The following TRIM14 variants were observed in gnomAD, a reference collection of about 807,000 sequenced individuals.
The protein encoded by TRIM14 is tripartite motif containing 14.
In TRIM14, 28 loss-of-function variants were observed where a neutral mutation model predicts 44.5. The observed-to-expected ratio is 0.63, with a 90% CI of 0.47 to 0.86. The LOEUF is 0.86. TRIM14 is among the 40% of genes least tolerant of loss of function. The pLI is 0.00. For missense variants in TRIM14, 607 were observed against 611.1 expected, an observed-to-expected ratio of 0.99 and a Z score of 0.07; for synonymous variants, 299 against 269.2, an observed-to-expected ratio of 1.11 and a Z score of -1.08.
the TRIM14 span, among the ~76,000 whole-genome samples, chr9:98,057,343 A>G: frequency 1.3e-5 from 2 of 152,116 alleles, no homozygotes; most frequent in Non-Finnish European, 2.9e-5. Flanking sequence ...CTTCTCTGAC[A>G]TTCTTCAGCG....
the TRIM14 span, among the ~76,000 whole-genome samples, chr9:98,061,507 C>A: frequency 6.9e-6 from 1 of 145,664 alleles, no homozygotes; most frequent in South Asian, 2.2e-4. Flanking sequence ...AAAGGCCAGG[C>A]GCGGTGTCTC....
At chr9:98,056,678 G>C in the TRIM14 span, 1 of 1,387,076 alleles carries the variant, frequency 7.2e-7, no homozygotes, top group Non-Finnish European at 9.6e-7. Context: ...TTGGCTGCCC[G>C]GCGACCGCGG....
rs1825687123 is a variant in TRIM14, at chr9:98,084,363, CATT to C, written c.*3104_*3106del. Reference sequence around the variant, plus strand: ...CAGTGAAGACCATGGTTAAAAGGGACATTATTCACATTTTATTAAACCAAATAT... The same window carrying C: ...CAGTGAAGACCATGGTTAAAAGGGACATTCACATTTTATTAAACCAAATAT... On this transcript the variant is annotated 3_prime_UTR_variant, in exon 6 of 6. Coordinates refer to ENST00000341469, the MANE Select transcript of TRIM14 (RefSeq NM_014788.4). The C allele has an allele frequency of 6.6e-6, 1 of 152,166 alleles. No homozygotes were observed. The highest frequency in any genetic ancestry group is 1.9e-4 in the East Asian group (1 of 5,202). 9.4% of individuals were successfully genotyped at this position (152,166 alleles called of 1,614,324 possible).
the TRIM14 span, among the ~76,000 whole-genome samples, chr9:98,039,868 C>A: frequency 6.6e-6 from 1 of 152,110 alleles, no homozygotes; most frequent in Admixed American, 6.6e-5. Context: ...AAACTCCAGC[C>A]TCCCGCACAG....
At chr9:98,059,110 G>A in the TRIM14 span, among the ~76,000 whole-genome samples, 4 of 150,182 alleles carry the variant, frequency 2.7e-5, no homozygotes, top group East Asian at 2.0e-4. Context: ...TGCAAGCTCC[G>A]CCTCCTGGGT....
downstream of TRIM14, chr9:98,081,026 G>T (rs1295648221): frequency 6.2e-7 from 1 of 1,614,200 alleles, no homozygotes; most frequent in South Asian, 1.1e-5. Flanking sequence ...TGTGGAGCGT[G>T]CCCTGGGCTC....
chr9:98,118,709 A>T (rs1460048057), intron 1 of TRIM14, among the ~76,000 whole-genome samples: 2 of 152,202 alleles, frequency 1.3e-5, no homozygotes, highest in Admixed American at 6.5e-5. Context: ...GGTCAAGGAC[A>T]TCTGGGTACC....
chr9:98,110,394 C>T (rs1826799120), intron 1 of TRIM14, among the ~76,000 whole-genome samples: 1 of 152,158 alleles, frequency 6.6e-6, no homozygotes. Context: ...ATGAAACATA[C>T]ATTCCAGGGA....
downstream of TRIM14, chr9:98,082,823 C>A (rs751023024): frequency 6.2e-7 from 1 of 1,611,424 alleles, no homozygotes; most frequent in South Asian, 1.1e-5. Flanking sequence ...GAAGCTGGCA[C>A]TGAATGTTCA....
chr9:98,053,220 G>A, the TRIM14 span, among the ~76,000 whole-genome samples: 5 of 152,224 alleles, frequency 3.3e-5, no homozygotes, highest in Non-Finnish European at 5.9e-5. Context: ...CCAGAAGGAA[G>A]ATTTTGAGCT....
the TRIM14 span, among the ~76,000 whole-genome samples, chr9:98,055,023 G>T: frequency 2.0e-5 from 3 of 152,126 alleles, no homozygotes; most frequent in African/African-American, 7.2e-5. Context: ...TGGGGTTTTT[G>T]TTTGTTTGTT....
intron 6 of TRIM14, among the ~76,000 whole-genome samples, chr9:98,072,605 T>G (rs534248371): frequency 6.6e-6 from 1 of 152,212 alleles, no homozygotes; most frequent in Non-Finnish European, 1.5e-5. Context: ...GAGACAGAGT[T>G]TCACCATGTT....
chr9:98,114,254 T>C (rs1353989085), intron 1 of TRIM14, among the ~76,000 whole-genome samples: 1 of 152,254 alleles, frequency 6.6e-6, no homozygotes, highest in African/African-American at 2.4e-5. Context: ...GATAAACTGG[T>C]GTGTGCCACA....
chr9:98,082,774 T>G, downstream of TRIM14: 1 of 1,441,226 alleles, frequency 6.9e-7, no homozygotes, highest in Non-Finnish European at 9.5e-7. Context: ...TCAGGGACCT[T>G]GAGTGTAAAG....
the TRIM14 span, among the ~76,000 whole-genome samples, chr9:98,060,409 C>T: frequency 6.6e-6 from 1 of 152,196 alleles, no homozygotes; most frequent in Non-Finnish European, 1.5e-5. Flanking sequence ...TGACTCATGC[C>T]TGTAATCCCA....
At chr9:98,065,308 C>CTTTTTTTT (rs758040892), downstream of TRIM14, among the ~76,000 whole-genome samples, 5 of 92,764 alleles carry the variant, frequency 5.4e-5, no homozygotes, top group African/African-American at 2.0e-4. Context: ...ACTCCTGGTG[C>CTTTTTTTT]TTTTTTTTTT....
At chr9:98,080,876 G>A (rs12685217), downstream of TRIM14, 6 of 1,614,030 alleles carry the variant, frequency 3.7e-6, no homozygotes, top group Non-Finnish European at 4.2e-6. Flanking sequence ...AACAGGCATA[G>A]CGATATCTGT....
chr9:98,040,166 C>T, the TRIM14 span, among the ~76,000 whole-genome samples: 35 of 152,282 alleles, frequency 2.3e-4, no homozygotes, highest in African/African-American at 6.7e-4. Flanking sequence ...CTTTGGTTGC[C>T]TCCTGTTGGT....
intron 2 of TRIM14, among the ~76,000 whole-genome samples, chr9:98,108,316 C>T (rs1332892091): frequency 2.6e-5 from 4 of 152,216 alleles, no homozygotes; most frequent in Non-Finnish European, 1.5e-5. Flanking sequence ...AGCCTGTGGG[C>T]CGCATGTGGC....
Sources: gnomAD v4.1 joint callset for allele counts (sites outside exome capture counted in the v4.1 genomes callset) on GRCh38, gnomAD v4.1.1 for gene constraint, MANE v1.5 for transcripts, NCBI Gene and HGNC (gene_info 2026-07-23, HGNC 2026-07-21) for gene names.